Variants in PHIP observed in about 807,000 individuals in gnomAD.
PHIP encodes the protein PH-interacting protein.
Under a neutral mutation model 236.8 loss-of-function variants are expected in PHIP, and 54 were observed. The ratio of observed to expected loss-of-function variants is 0.23; its 90% CI spans 0.18 to 0.29. PHIP has a LOEUF of 0.29. Among genes scored for constraint, PHIP ranks in the 10% least tolerant of loss-of-function variants. PHIP has a pLI of 1.00. For missense variants in PHIP, 1,370 were observed against 2,190.8 expected (o/e 0.63, Z 7.48); for synonymous variants, 756 against 718.9 (o/e 1.05, Z -0.83).
At chr6:79,045,368 A>T (rs79686145) in intron 6 of PHIP, among the ~76,000 whole-genome samples, 5,607 of 152,262 alleles carry the variant, frequency 0.037, 98 homozygotes, top group Middle Eastern at 0.058. Context: ...GATAATTTTT[A>T]TAAAGATAGA....
chr6:78,942,309 C>T (rs528111301), intron 39 of PHIP, among the ~76,000 whole-genome samples: 23 of 152,202 alleles, frequency 1.5e-4, no homozygotes, highest in African/African-American at 4.8e-4. Flanking sequence ...ATGGCGAAAC[C>T]CCGTCTCTAC....
intron 15 of PHIP, among the ~76,000 whole-genome samples, chr6:79,008,143 A>T (rs550802638): frequency 2.0e-5 from 3 of 151,916 alleles, no homozygotes; most frequent in Non-Finnish European, 4.4e-5. Context: ...GTGAGCTGAG[A>T]TTGTGCCACT....
intron 15 of PHIP, among the ~76,000 whole-genome samples, chr6:79,014,312 GTT>G (rs1770734251): frequency 6.6e-6 from 1 of 151,566 alleles, no homozygotes; most frequent in Non-Finnish European, 1.5e-5. Context: ...TAATTGTATT[GTT>G]TTATGGTTCA....
At chr6:79,052,434 T>C (rs1316028388) in intron 6 of PHIP, among the ~76,000 whole-genome samples, 1 of 152,206 alleles carries the variant, frequency 6.6e-6, no homozygotes, top group East Asian at 1.9e-4. Context: ...GAGCGGACTA[T>C]ATAGAGTGCT....
Position 78,946,720 on chromosome 6 carries a change from G to GC in PHIP, c.4360dup (p.Ala1454GlyfsTer6). Reference sequence around the variant, plus strand: ...AAAAGAAATTAAATACCTTGATGCAGCACTACTGGAAACAGAGCTGCTTCT... The same window carrying GC: ...AAAAGAAATTAAATACCTTGATGCAGCCACTACTGGAAACAGAGCTGCTTCT... On this transcript the variant is annotated frameshift_variant, in exon 37 of 40. Coordinates refer to ENST00000275034, the MANE Select transcript of PHIP (RefSeq NM_017934.7). LOFTEE classifies it high-confidence loss of function. 1 of 1,564,730 alleles carries GC rather than the reference G, an allele frequency of 6.4e-7. No homozygotes were observed.
intron 39 of PHIP, among the ~76,000 whole-genome samples, chr6:78,945,070 G>A (rs1773725753): frequency 6.6e-6 from 1 of 151,380 alleles, no homozygotes; most frequent in Non-Finnish European, 1.5e-5. Flanking sequence ...TTTAAACTTT[G>A]AAGATTTATT....
chr6:79,025,854 A>G (rs1382531172), intron 8 of PHIP, 89 bp downstream of exon 8: 2 of 1,026,980 alleles, frequency 1.9e-6, no homozygotes, highest in Non-Finnish European at 2.9e-6. Context: ...TAACTTCTTA[A>G]AATTTAATAA....
At chr6:79,009,625 C>T (rs185905467) in intron 15 of PHIP, among the ~76,000 whole-genome samples, 7 of 152,020 alleles carry the variant, frequency 4.6e-5, no homozygotes, top group Non-Finnish European at 1.0e-4. Context: ...TTGTGCTTAA[C>T]ACAAAAGAAA....
Position 79,078,125 on chromosome 6 carries a change from G to A in PHIP, c.-57C>T, listed in dbSNP as rs2127785160. Reference sequence around the variant, plus strand: ...ACACCCCGCCGCCGAGGGGAAGCGGGGACGGTGCCGCCGCCTGCCCTATAG... The same window carrying A: ...ACACCCCGCCGCCGAGGGGAAGCGGAGACGGTGCCGCCGCCTGCCCTATAG... On this transcript the variant is annotated 5_prime_UTR_variant, in exon 1 of 40. Coordinates refer to ENST00000275034, the MANE Select transcript of PHIP (RefSeq NM_017934.7). 2 of 1,574,692 alleles carry A rather than the reference G, an allele frequency of 1.3e-6. No individual in the cohort carries two copies. The highest frequency in any genetic ancestry group is 1.4e-5 in the African/African-American group (1 of 73,830).
chr6:79,077,953 C>A (rs766255953), intron 1 of PHIP, 40 bp from the exon 2 acceptor site: 3 of 1,566,548 alleles, frequency 1.9e-6, no homozygotes, highest in Admixed American at 3.5e-5. Flanking sequence ...ACAGGCTGAG[C>A]GGTCGGGCGG....
At chr6:78,960,114 A>G (rs916346994) in intron 31 of PHIP, among the ~76,000 whole-genome samples, 1 of 152,142 alleles carries the variant, frequency 6.6e-6, no homozygotes, top group African/African-American at 2.4e-5. Context: ...AAAGATGAAA[A>G]TTCAAAATTT....
intron 6 of PHIP, among the ~76,000 whole-genome samples, chr6:79,044,786 ATTT>A (rs1772392836): frequency 6.6e-6 from 1 of 152,168 alleles, no homozygotes; most frequent in Non-Finnish European, 1.5e-5. Context: ...ATAGGTAAGA[ATTT>A]TTAAGATAAA....
rs878854420 is a variant in PHIP, at chr6:79,077,904, A to C, written c.50T>G (p.Phe17Cys). The C allele has an allele frequency of 6.3e-7, 1 of 1,593,252 alleles. No homozygotes were observed. The highest frequency in any genetic ancestry group is 8.5e-7 in the Non-Finnish European group (1 of 1,171,176). Residue 17 changes from phenylalanine to cysteine, a missense_variant, in exon 2 of 40, where the codon TTC becomes TGC. Physicochemically the swap from Phe to Cys is radical, Grantham distance 205. Around this residue, in one of 14 missense-constraint regions of PHIP, gnomAD observed 43 missense variants for 53.8 expected, o/e 0.80. Transcript: ENST00000275034. ...ATCTTCCAGGAACCGGGCGATGAGGAAGTAGAGCTCTGCGCGGGAGAGAGG... is the reference window on the plus strand; with the variant it reads ...ATCTTCCAGGAACCGGGCGATGAGGCAGTAGAGCTCTGCGCGGGAGAGAGG... ...GLSELRSELY[F>C]LIARFLEDGP...
chr6:79,017,828 T>C (rs1243626260), intron 10 of PHIP, among the ~76,000 whole-genome samples: 1 of 151,946 alleles, frequency 6.6e-6, no homozygotes, highest in African/African-American at 2.4e-5. Flanking sequence ...AAAAATAATT[T>C]CACTAAGTGA....
At chr6:79,037,018 T>A (rs1163781941) in intron 7 of PHIP, among the ~76,000 whole-genome samples, 1 of 151,934 alleles carries the variant, frequency 6.6e-6, no homozygotes, top group African/African-American at 2.4e-5. Flanking sequence ...CAAGGATATT[T>A]CCCTATGTAA....
At chr6:79,019,050 A>C in intron 10 of PHIP, 39 bp downstream of exon 10, 1 of 1,434,510 alleles carries the variant, frequency 7.0e-7, no homozygotes, top group Non-Finnish European at 9.8e-7. Flanking sequence ...CTTCTAAATG[A>C]ACAACTTTAA....
chr6:79,008,700 A>G (rs970923775), intron 15 of PHIP, among the ~76,000 whole-genome samples: 1 of 152,154 alleles, frequency 6.6e-6, no homozygotes, highest in Non-Finnish European at 1.5e-5. Context: ...ACTATATACT[A>G]TAAGAAACAC....
intron 29 of PHIP, among the ~76,000 whole-genome samples, chr6:78,964,820 A>G (rs912679695): frequency 1.5e-4 from 23 of 152,220 alleles, no homozygotes; most frequent in African/African-American, 5.5e-4. Flanking sequence ...AAAATCAAAC[A>G]ATATAGAATA....
Position 79,063,067 on chromosome 6 carries a change from C to T in PHIP, c.190-2249G>A, listed in dbSNP as rs138044113. On this transcript the variant is annotated intron_variant, in intron 4 of 39. Transcript: ENST00000275034. ...ACTTTTAAGAATCTAATGACAGCTA[C>T]GATCTTCTTCCCTGCAAAAATACAC... 9.2e-5 allele frequency among the ~76,000 whole-genome samples: 14 copies of T among 152,276 alleles called. No homozygotes were observed. The East Asian group carries it at 1.4e-3, about 15-fold the overall frequency.
Sources: gnomAD v4.1 joint callset for allele counts (sites outside exome capture counted in the v4.1 genomes callset) on GRCh38, gnomAD v4.1.1 for gene constraint, gnomAD v4.1.1 regional missense constraint, MANE v1.5 for transcripts, NCBI Gene and HGNC (gene_info 2026-07-23, HGNC 2026-07-21) for gene names.